Variants in ZMYND11 observed in about 807,000 individuals in gnomAD.
ZMYND11 encodes the protein zinc finger MYND-type containing 11, also known as zinc finger MYND domain-containing protein 11.
A neutral mutation model predicts 84.9 loss-of-function variants in ZMYND11; 9 were observed. The observed-to-expected ratio is 0.11, with a 90% CI of 0.06 to 0.18. The LOEUF (loss-of-function observed/expected upper bound fraction) is 0.18. ZMYND11 is among the 10% of genes least tolerant of loss of function. ZMYND11 has a pLI of 1.00. For missense variants in ZMYND11, 409 were observed against 761.0 expected (o/e 0.54, Z 5.44); for synonymous variants, 250 against 244.1 (o/e 1.02, Z -0.23).
At chr10:158,422 T>TA (rs1460909679) in intron 1 of ZMYND11, among the ~76,000 whole-genome samples, 5 of 150,638 alleles carry the variant, frequency 3.3e-5, no homozygotes, top group African/African-American at 4.9e-5. Flanking sequence ...CTTTTTTTTT[T>TA]TTTTTTTTTA....
At chr10:198,923 A>G (rs1298015723) in intron 2 of ZMYND11, among the ~76,000 whole-genome samples, 3 of 152,220 alleles carry the variant, frequency 2.0e-5, no homozygotes, top group African/African-American at 7.2e-5. Flanking sequence ...CTGGGCTTTT[A>G]GTGTGTATGC....
In ZMYND11 at chr10:249,580, CTCCCTCATACCTGACTAGTA is replaced by C. The variant is rs1350974800; in HGVS notation, c.1686+495_1686+514del. The C allele has an allele frequency of 3.0e-6, 3 of 984,990 alleles. No homozygotes were observed. In the African/African-American group the frequency reaches 5.2e-5, roughly 17 times the overall value. 61.0% of individuals were successfully genotyped at this position (984,990 alleles called of 1,614,324 possible). ...GACATCTCATTGGTCTCTAACTACC[CTCCCTCATACCTGACTAGTA>C]TCATTTGTCATCGTGTCCTGCTCGC... On this transcript the variant is annotated intron_variant, in intron 14 of 14. Transcript: ENST00000381604.
intron 1 of ZMYND11, among the ~76,000 whole-genome samples, chr10:155,318 T>C (rs1307431503): frequency 6.6e-6 from 1 of 152,136 alleles, no homozygotes; most frequent in Non-Finnish European, 1.5e-5. Context: ...ATTGGCAACA[T>C]AGATGATAAC....
intron 10 of ZMYND11, among the ~76,000 whole-genome samples, chr10:244,928 C>T (rs1158917705): frequency 6.6e-6 from 1 of 152,202 alleles, no homozygotes; most frequent in African/African-American, 2.4e-5. Flanking sequence ...GATACAAGTT[C>T]ATTCCAGGTA....
At chr10:239,364 G>A (rs1950509939) in intron 6 of ZMYND11, 74 bp from the exon 7 acceptor site, 1 of 1,199,792 alleles carries the variant, frequency 8.3e-7, no homozygotes, top group East Asian at 2.3e-5. Context: ...AAGACTGCTT[G>A]TCCTGTGAAC....
chr10:212,327 ATAT>A (rs954722543), intron 3 of ZMYND11, among the ~76,000 whole-genome samples: 2 of 152,154 alleles, frequency 1.3e-5, no homozygotes, highest in African/African-American at 4.8e-5. Context: ...TCTAGATGAA[ATAT>A]TATATGTAAA....
In ZMYND11 at chr10:236,492, G is replaced by A. The variant is rs895690791; in HGVS notation, c.439-346G>A. The stretch of plus-strand genomic sequence containing the variant: ...TGCTAATTTAAGATGTTCCCTCAAA[G>A]GACTTAGGCCATTGATATTGTTTGT... On this transcript the variant is annotated intron_variant, in intron 4 of 14. Transcript: ENST00000381604. Among the ~76,000 whole-genome samples, 10 of 152,182 alleles carry A rather than the reference G, an allele frequency of 6.6e-5. No homozygotes were observed. In the East Asian group the frequency reaches 1.7e-3, roughly 26 times the overall value.
At chr10:158,945 A>T (rs1401117677) in intron 1 of ZMYND11, among the ~76,000 whole-genome samples, 1 of 145,762 alleles carries the variant, frequency 6.9e-6, no homozygotes, top group African/African-American at 2.5e-5. Context: ...TATTCCAAAT[A>T]GAACTTCTTT....
At position 197,158 on chromosome 10, in the gene ZMYND11, A is replaced by T. The variant is rs188649722; in HGVS notation, c.117-12731A>T. ...ACATTGTATTCATGTATGTGTATCA[A>T]TACATACGCGTGGAAAGTGGAGTGC... is the stretch of plus-strand genomic sequence containing the variant. On this transcript the variant is annotated intron_variant, in intron 2 of 14. Transcript: ENST00000381604. Among the ~76,000 whole-genome samples the T allele has an allele frequency of 8.0e-5, 12 of 150,256 alleles. No homozygotes were observed. The East Asian group carries it at 2.4e-3, about 29-fold the overall frequency.
chr10:236,811 CTTTT>C (rs753774748), intron 4 of ZMYND11, 23 bp from the exon 5 acceptor site: 1 of 1,583,438 alleles, frequency 6.3e-7, no homozygotes, highest in South Asian at 1.1e-5. Context: ...GATTTTGTAC[CTTTT>C]TTTATTCTTT....
chr10:206,268 G>A (rs1944149006), intron 2 of ZMYND11, among the ~76,000 whole-genome samples: 1 of 152,134 alleles, frequency 6.6e-6, no homozygotes, highest in Non-Finnish European at 1.5e-5. Context: ...GCTGAGTCAG[G>A]AGAATCACTT....
At chr10:236,765 ATG>A in intron 4 of ZMYND11, 71 bp from the exon 5 acceptor site, 1 of 1,304,094 alleles carries the variant, frequency 7.7e-7, no homozygotes, top group Non-Finnish European at 1.1e-6. Context: ...TGTTTCATAT[ATG>A]TCTTTTACAT....
At chr10:246,078 CCCAGG>C (rs1434909440) in intron 10 of ZMYND11, among the ~76,000 whole-genome samples, 2 of 152,068 alleles carry the variant, frequency 1.3e-5, no homozygotes, top group Non-Finnish European at 2.9e-5. Flanking sequence ...GAGACCAATG[CCCAGG>C]AAAAAGTGTT....
intron 2 of ZMYND11, among the ~76,000 whole-genome samples, chr10:200,651 G>A (rs912158498): frequency 1.3e-4 from 20 of 151,950 alleles, no homozygotes; most frequent in African/African-American, 4.3e-4. Flanking sequence ...TGGCTGTCAA[G>A]TGATAGGATT....
intron 1 of ZMYND11, among the ~76,000 whole-genome samples, chr10:167,838 T>G (rs4880870): frequency 0.99 from 150,464 of 152,090 alleles, 74,438 homozygotes; most frequent in Middle Eastern, 1. Context: ...ACATAACATA[T>G]AATTTATTAT....
chr10:191,863 T>C (rs1940521019), intron 2 of ZMYND11, among the ~76,000 whole-genome samples: 1 of 152,186 alleles, frequency 6.6e-6, no homozygotes, highest in South Asian at 2.1e-4. Context: ...CCGTAAGTTA[T>C]TATCTGTAGT....
chr10:237,777 C>G (rs1282502623), intron 6 of ZMYND11, 100 bp downstream of exon 6: 1 of 780,352 alleles, frequency 1.3e-6, no homozygotes, highest in Non-Finnish European at 2.0e-6. Context: ...GCTCTTCTTT[C>G]CTTGAAAGTG....
chr10:189,448 A>G (rs1350683264), intron 2 of ZMYND11, among the ~76,000 whole-genome samples: 1 of 152,240 alleles, frequency 6.6e-6, no homozygotes, highest in Non-Finnish European at 1.5e-5. Flanking sequence ...ACTGATTAGT[A>G]TTATACTGTT....
At chr10:238,864 A>G (rs923525174) in intron 6 of ZMYND11, among the ~76,000 whole-genome samples, 1 of 152,110 alleles carries the variant, frequency 6.6e-6, no homozygotes, top group Non-Finnish European at 1.5e-5. Flanking sequence ...CTTCTTCCCC[A>G]CTGCCTTTAC....
Sources: allele counts gnomAD v4.1 joint callset (sites outside exome capture counted in the v4.1 genomes callset), GRCh38; gene constraint gnomAD v4.1.1; transcripts MANE v1.5; gene names NCBI Gene and HGNC (gene_info 2026-07-23, HGNC 2026-07-21).